Variants in SYCE1L observed in about 807,000 individuals in gnomAD.
The protein encoded by SYCE1L is synaptonemal complex central element protein 1-like.
SYCE1L carries 51 observed loss-of-function variants against 39.6 expected under a neutral mutation model. The ratio of observed to expected loss-of-function variants is 1.29; its 90% confidence interval spans 1.03 to 1.63. The LOEUF (loss-of-function observed/expected upper bound fraction) is 1.63. SYCE1L is among the 40% of genes most tolerant of loss of function. The pLI is 0.00. For synonymous variants in SYCE1L, 147 were observed against 122.4 expected (o/e 1.20, Z -1.33); for missense variants, 426 against 304.9 (o/e 1.40, Z -2.96).
intron 6 of SYCE1L, among the ~76,000 whole-genome samples, chr16:77,209,797 T>C (rs1007448852): frequency 1.3e-5 from 2 of 152,202 alleles, no homozygotes; most frequent in Non-Finnish European, 2.9e-5. Context: ...GCCCCAGTCA[T>C]CCATTTGCCC....
rs777036442 is a variant in SYCE1L at position 77,212,635 on chromosome 16, G to T, written c.643G>T (p.Gly215Cys). ...QVRSAPEVGA[G>C]EGEAGPELPR... ...CCGGAGCGCCCCCGAGGTCGGGGCC[G>T]GCGAGGGAGAGGTAGGGAGCCCGAG... Residue 215 changes from glycine to cysteine, a missense_variant, in exon 10 of 11, where the codon GGC (glycine) becomes TGC (cysteine). Coordinates refer to ENST00000378644, the MANE Select transcript of SYCE1L (RefSeq NM_001129979.3). 2.2e-5 allele frequency: 34 copies of T among 1,534,878 alleles called. No homozygotes were observed. Among genetic ancestry groups the T allele is most frequent in the Non-Finnish European group, 2.9e-5 (33 of 1,146,138 alleles).
Position 77,213,002 on chromosome 16 carries a change from C to G in SYCE1L, c.*71C>G. On this transcript the variant is annotated 3_prime_UTR_variant, in exon 11 of 11. Transcript: ENST00000378644. ...AGAAATAAAGGCGATGATTTCCGAC[C>G]ATGCTCGCGTTCTCCGCGGAGTCTG... 1 of 1,390,642 alleles carries G rather than the reference C, an allele frequency of 7.2e-7. No homozygotes were observed. The highest frequency in any genetic ancestry group is 9.5e-7 in the Non-Finnish European group (1 of 1,053,108). The allele number at this position is 1,390,642 out of a possible 1,614,324, so 86.1% of individuals were successfully genotyped here.
chr16:77,212,225 G>A, intron 8 of SYCE1L, 26 bp downstream of exon 8: 1 of 1,543,598 alleles, frequency 6.5e-7, no homozygotes, highest in Non-Finnish European at 8.7e-7. Flanking sequence ...CAGGTGGGCG[G>A]GGGGAGGGGG....
intron 8 of SYCE1L, 30 bp from the exon 9 acceptor site, chr16:77,212,252 G>C: frequency 6.5e-7 from 1 of 1,527,674 alleles, no homozygotes; most frequent in Non-Finnish European, 8.8e-7. Context: ...CCGGGCCTCG[G>C]CCCTGCCCCT....
intron 2 of SYCE1L, among the ~76,000 whole-genome samples, chr16:77,207,586 C>T (rs1567426179): frequency 6.6e-6 from 1 of 152,196 alleles, no homozygotes; most frequent in Non-Finnish European, 1.5e-5. Context: ...TGGATTTTGA[C>T]AGGGCGGGGC....
intron 1 of SYCE1L, 51 bp downstream of exon 1, chr16:77,199,563 G>A (rs1461998604): frequency 2.9e-6 from 4 of 1,374,230 alleles, no homozygotes; most frequent in East Asian, 2.5e-5. Flanking sequence ...AGGGCAGAAA[G>A]GAGGGAGGAT....
rs2054805975 is a variant in SYCE1L, at chr16:77,209,134, C to A, written c.294C>A (p.Gly98=). The A allele has an allele frequency of 2.6e-6, 4 of 1,551,386 alleles. No individual in the cohort carries two copies. The highest frequency in any genetic ancestry group is 2.6e-6 in the Non-Finnish European group (3 of 1,146,892). Residue 98 remains glycine (G), a synonymous_variant, in exon 5 of 11, where the codon GGC becomes GGA. Transcript: ENST00000378644. ...AAGTGCACCTAGAGGAGGTCTTGGGCAAAAAGCAAGGTATTTACCAGTTGC... is the reference window on the plus strand; with the variant it reads ...AAGTGCACCTAGAGGAGGTCTTGGGAAAAAAGCAAGGTATTTACCAGTTGC... ...GEKVHLEEVL[G]KKQEALRILQ...
At chr16:77,200,180 A>C (rs1230879319) in intron 1 of SYCE1L, 1 of 150,034 alleles carries the variant, frequency 6.7e-6, no homozygotes, top group Non-Finnish European at 1.5e-5. Flanking sequence ...AAAACTATAT[A>C]TACATATACA....
At chr16:77,200,455 A>G (rs959195996) in intron 1 of SYCE1L, 2 of 150,464 alleles carry the variant, frequency 1.3e-5, no homozygotes, top group African/African-American at 4.9e-5. Context: ...CCGTCTCAAA[A>G]GAAAAAAAAT....
Position 77,208,256 on chromosome 16 carries a change from T to C in SYCE1L, c.168T>C (p.Asn56=). The change falls in exon 3 of 11, where the codon AAT becomes AAC. Residue 56 remains asparagine (N), a synonymous_variant. Transcript: ENST00000378644. Reference sequence around the variant, plus strand: ...TAGAGGACCTGATTAGCCGGATTAATGATCTTCAGCAAGGTAAACTTGGGG... The same window carrying C: ...TAGAGGACCTGATTAGCCGGATTAACGATCTTCAGCAAGGTAAACTTGGGG... ...PQIEDLISRI[N]DLQQAKKKSS... is the part of the protein sequence containing the mutation. The C allele has an allele frequency of 6.4e-7, 1 of 1,551,708 alleles. No individual in the cohort carries two copies. The highest frequency in any genetic ancestry group is 8.7e-7 in the Non-Finnish European group (1 of 1,147,008).
Position 77,208,258 on chromosome 16 carries a change from A to G in SYCE1L, c.170A>G (p.Asp57Gly). Residue 57 changes from aspartate (D) to glycine (G), a missense_variant, in exon 3 of 11, where the codon GAT becomes GGT. Asp to Gly is a moderately conservative substitution (Grantham distance 94). Transcript: ENST00000378644. ...QIEDLISRIN[D>G]LQQAKKKSSE... ...GAGGACCTGATTAGCCGGATTAATG[A>G]TCTTCAGCAAGGTAAACTTGGGGAC... is the stretch of plus-strand genomic sequence containing the variant. The G allele has an allele frequency of 1.3e-6, 2 of 1,551,698 alleles. No homozygotes were observed. Among genetic ancestry groups the G allele is most frequent in the Non-Finnish European group, 1.7e-6 (2 of 1,146,998 alleles).
At chr16:77,212,526 C>G in intron 9 of SYCE1L, 48 bp from the exon 10 acceptor site, 1 of 1,537,840 alleles carries the variant, frequency 6.5e-7, no homozygotes, top group Non-Finnish European at 8.7e-7. Flanking sequence ...TCCTCGTCCC[C>G]TGGACTCTCG....
At chr16:77,200,248 G>GTGTGTATATATATA (rs1567422956) in intron 1 of SYCE1L, 2 of 88,990 alleles carry the variant, frequency 2.2e-5, no homozygotes, top group African/African-American at 1.0e-4. Flanking sequence ...ATATATATAT[G>GTGTGTATATATATA]TATATGTGTA....
chr16:77,212,669 G>C, intron 10 of SYCE1L, 23 bp downstream of exon 10: 1 of 1,527,336 alleles, frequency 6.5e-7, no homozygotes, highest in Non-Finnish European at 8.8e-7. Flanking sequence ...AGGAAGGGAG[G>C]CGGGGCGGGC....
chr16:77,209,153 C>A lies in SYCE1L; in HGVS notation c.304+9C>A. The A allele has an allele frequency of 7.1e-6, 11 of 1,551,594 alleles. No homozygotes were observed. Among genetic ancestry groups the A allele is most frequent in the Non-Finnish European group, 9.6e-6 (11 of 1,146,880 alleles). On this transcript the variant is annotated intron_variant, in intron 5 of 10. Coordinates refer to ENST00000378644, the MANE Select transcript of SYCE1L (RefSeq NM_001129979.3). ...CTTGGGCAAAAAGCAAGGTATTTACCAGTTGCTGTGTCTTCCTTATTCTAC... is the reference window on the plus strand; with the variant it reads ...CTTGGGCAAAAAGCAAGGTATTTACAAGTTGCTGTGTCTTCCTTATTCTAC...
In SYCE1L at chr16:77,212,722, G is replaced by T. The variant is rs1199342728; in HGVS notation, c.654+76G>T. The T allele has an allele frequency of 4.2e-6, 6 of 1,442,404 alleles. No individual in the cohort carries two copies. The Admixed American group carries it at 1.5e-4, about 36-fold the overall frequency. The allele number at this position is 1,442,404 out of a possible 1,614,324, so 89.4% of individuals were successfully genotyped here. On this transcript the variant is annotated intron_variant, in intron 10 of 10. Coordinates refer to ENST00000378644, the MANE Select transcript of SYCE1L (RefSeq NM_001129979.3). ...AGAGCGGGCGGGGGTCCTGGGAGCG[G>T]CCCCCGAGAGTGGGGTCTGTGGGGA...
At chr16:77,209,002 T>A in intron 4 of SYCE1L, 95 bp from the exon 5 acceptor site, 1 of 1,347,268 alleles carries the variant, frequency 7.4e-7, no homozygotes, top group Non-Finnish European at 1.0e-6. Flanking sequence ...CCTAGGGCTG[T>A]ACTACACCTT....
Position 77,199,530 on chromosome 16 carries a change from G to A in SYCE1L, c.61+18G>A, listed in dbSNP as rs1034593868. On this transcript the variant is annotated intron_variant, in intron 1 of 10. Coordinates refer to ENST00000378644, the MANE Select transcript of SYCE1L (RefSeq NM_001129979.3). ...GGCTGAAGGTAGTGAGGGCAAGTGG[G>A]CTGCACTCCTTTCTCTCCAACCAGG... 1 of 1,542,864 alleles carries A rather than the reference G, an allele frequency of 6.5e-7. No individual in the cohort carries two copies. The highest frequency in any genetic ancestry group is 8.8e-7 in the Non-Finnish European group (1 of 1,139,304).
intron 1 of SYCE1L, among the ~76,000 whole-genome samples, chr16:77,203,053 A>G (rs2054758049): frequency 6.6e-6 from 1 of 152,230 alleles, no homozygotes; most frequent in Non-Finnish European, 1.5e-5. Context: ...GTTCAAAGTG[A>G]TTGTATCAGG....
Sources: gnomAD v4.1 joint callset for allele counts (sites outside exome capture counted in the v4.1 genomes callset) on GRCh38, gnomAD v4.1.1 for gene constraint, MANE v1.5 for transcripts, NCBI Gene and HGNC (gene_info 2026-07-23, HGNC 2026-07-21) for gene names.